The following EFCAB7 variants were observed in gnomAD, a reference collection of about 807,000 sequenced individuals.
EFCAB7 encodes the protein EF-hand calcium binding domain 7.
Under a neutral mutation model 77.1 loss-of-function variants are expected in EFCAB7, and 66 were observed. The observed-to-expected ratio is 0.86, with a 90% CI of 0.70 to 1.05. EFCAB7 has a LOEUF of 1.05. Among genes scored for constraint, EFCAB7 ranks in the 50% least tolerant of loss-of-function variants. The pLI is 0.00. For synonymous variants in EFCAB7, 225 were observed against 243.3 expected (o/e 0.92, Z 0.70); for missense variants, 638 against 730.5 (o/e 0.87, Z 1.46).
chr1:63,565,471 A>G (rs910827520), intron 11 of EFCAB7, among the ~76,000 whole-genome samples: 1 of 152,220 alleles, frequency 6.6e-6, no homozygotes, highest in Non-Finnish European at 1.5e-5. Flanking sequence ...AGATATAGGC[A>G]TGGGGAAAGA....
At chr1:63,543,498 T>C (rs1225127369) in intron 6 of EFCAB7, among the ~76,000 whole-genome samples, 5 of 152,342 alleles carry the variant, frequency 3.3e-5, no homozygotes, top group African/African-American at 1.2e-4. Flanking sequence ...AGGTCAGTAT[T>C]AGAAAGGATT....
intron 10 of EFCAB7, among the ~76,000 whole-genome samples, chr1:63,559,545 C>A (rs1479070754): frequency 6.6e-6 from 1 of 152,004 alleles, no homozygotes; most frequent in Non-Finnish European, 1.5e-5. Context: ...TCACTGCAAC[C>A]CCTGCCTCCA....
rs528774853 is a variant in EFCAB7 at position 63,556,930 on chromosome 1, C to T, written c.1215-184C>T. Among the ~76,000 whole-genome samples the T allele has an allele frequency of 1.5e-4, 22 of 148,646 alleles. No individual in the cohort carries two copies. In the South Asian group the frequency reaches 2.1e-3, roughly 14 times the overall value. ...GCGGGCGCCTATAGTCCCAGCTACT[C>T]GGGAGGCTGAGGCAGGAGAATGGCG... On this transcript the variant is annotated intron_variant, in intron 9 of 13. Transcript: ENST00000371088.
In EFCAB7 at chr1:63,546,037, T is replaced by C. The variant is rs765157252; in HGVS notation, c.926T>C (p.Leu309Ser). 4 of 1,610,258 alleles carry C rather than the reference T, an allele frequency of 2.5e-6. No individual in the cohort carries two copies. The African/African-American group carries it at 5.4e-5, about 22-fold the overall frequency. The change falls in exon 7 of 14, where the codon TTA (leucine) becomes TCA (serine). Residue 309 changes from leucine to serine, a missense_variant. Coordinates refer to ENST00000371088, the MANE Select transcript of EFCAB7 (RefSeq NM_032437.4). Reference sequence around the variant, plus strand: ...ATGGTTTATCTAACAATTAAGCCATTAAACCTGAGTCAAGTTGAAGGCAAG... The same window carrying C: ...ATGGTTTATCTAACAATTAAGCCATCAAACCTGAGTCAAGTTGAAGGCAAG... ...RSMVYLTIKP[L>S]NLSQVEGKPS...
intron 2 of EFCAB7, 146 bp downstream of exon 2, chr1:63,525,905 C>A: frequency 1.8e-6 from 1 of 571,418 alleles, no homozygotes; most frequent in Non-Finnish European, 3.0e-6. Flanking sequence ...GCTATTATGT[C>A]ATATCATATA....
chr1:63,568,231 T>C (rs1647191372), intron 11 of EFCAB7, 79 bp from the exon 12 acceptor site: 1 of 1,235,926 alleles, frequency 8.1e-7, no homozygotes, highest in Non-Finnish European at 1.1e-6. Context: ...GTATAGCATA[T>C]CTTCTTATAT....
chr1:63,525,353 T>A (rs1323078026), intron 1 of EFCAB7, among the ~76,000 whole-genome samples: 1 of 152,146 alleles, frequency 6.6e-6, no homozygotes, highest in Non-Finnish European at 1.5e-5. Context: ...TGCCAAAGGC[T>A]TATTCTTGTT....
At chr1:63,577,599 G>C (rs1300937027), downstream of EFCAB7, among the ~76,000 whole-genome samples, 4 of 152,150 alleles carry the variant, frequency 2.6e-5, no homozygotes, top group South Asian at 2.1e-4. Flanking sequence ...GTAAAAATAG[G>C]AGTAGACTAG....
At chr1:63,538,943 CTG>C (rs757063348) in intron 6 of EFCAB7, among the ~76,000 whole-genome samples, 1 of 152,118 alleles carries the variant, frequency 6.6e-6, no homozygotes, top group Non-Finnish European at 1.5e-5. Flanking sequence ...ACTTTAATAA[CTG>C]TTGTTCTACC....
the EFCAB7 span, among the ~76,000 whole-genome samples, chr1:63,579,749 G>A: frequency 6.6e-6 from 1 of 152,152 alleles, no homozygotes; most frequent in Non-Finnish European, 1.5e-5. Context: ...TATAATAGAT[G>A]TGCAGTGGTA....
At chr1:63,573,324 T>C (rs909744676), downstream of EFCAB7, among the ~76,000 whole-genome samples, 1 of 151,962 alleles carries the variant, frequency 6.6e-6, no homozygotes, top group Non-Finnish European at 1.5e-5. Flanking sequence ...AGAAGAAACA[T>C]TTGTCTTATA....
intron 2 of EFCAB7, among the ~76,000 whole-genome samples, chr1:63,530,653 T>C (rs933300078): frequency 2.6e-5 from 4 of 152,174 alleles, no homozygotes; most frequent in Non-Finnish European, 5.9e-5. Flanking sequence ...CCATAGCATC[T>C]CTATAATAAT....
intron 8 of EFCAB7, among the ~76,000 whole-genome samples, chr1:63,553,903 C>T (rs890111371): frequency 6.6e-6 from 1 of 152,132 alleles, no homozygotes; most frequent in Admixed American, 6.5e-5. Flanking sequence ...TGCAGTGATG[C>T]AATTCCCTGT....
At chr1:63,558,391 A>T (rs941289855) in intron 10 of EFCAB7, among the ~76,000 whole-genome samples, 5 of 152,192 alleles carry the variant, frequency 3.3e-5, no homozygotes, top group African/African-American at 9.7e-5. Context: ...TGATCTATGC[A>T]CTTCTACACA....
chr1:63,562,447 ATT>A (rs1429203820), intron 11 of EFCAB7, among the ~76,000 whole-genome samples: 1,197 of 10,930 alleles, frequency 0.11, 45 homozygotes, highest in African/African-American at 0.26. Context: ...TTCTTAATTT[ATT>A]TATATATATA....
the EFCAB7 span, among the ~76,000 whole-genome samples, chr1:63,584,841 G>A: frequency 2.6e-5 from 4 of 152,202 alleles, no homozygotes; most frequent in African/African-American, 9.7e-5. Flanking sequence ...TTTGGGGGGA[G>A]TCAAAAGTTA....
At chr1:63,552,325 A>G (rs1249932855) in intron 8 of EFCAB7, among the ~76,000 whole-genome samples, 1 of 152,132 alleles carries the variant, frequency 6.6e-6, no homozygotes, top group Non-Finnish European at 1.5e-5. Context: ...CCTTACTTTC[A>G]TCTTTTCTAA....
Position 63,557,218 on chromosome 1 carries a change from G to A in EFCAB7, c.1319G>A (p.Cys440Tyr), listed in dbSNP as rs1647042723. 6.2e-7 allele frequency: 1 copy of A among 1,609,822 alleles called. No individual in the cohort carries two copies. The highest frequency in any genetic ancestry group is 8.5e-7 in the Non-Finnish European group (1 of 1,179,064). The change falls in exon 10 of 14, where the codon TGT (cysteine) becomes TAT (tyrosine). Residue 440 changes from cysteine to tyrosine, a missense_variant. Cys to Tyr is a radical substitution (Grantham distance 194). Coordinates refer to ENST00000371088, the MANE Select transcript of EFCAB7 (RefSeq NM_032437.4). ...FFELRTSGEK[C>Y]DEDAWAVCRE... ...GAATTGAGAACAAGTGGTGAGAAAT[G>A]TGATGAAGATGCTTGGGCTGTCTGC...
At chr1:63,553,138 G>C (rs1167730004) in intron 8 of EFCAB7, among the ~76,000 whole-genome samples, 1 of 152,032 alleles carries the variant, frequency 6.6e-6, no homozygotes, top group Non-Finnish European at 1.5e-5. Flanking sequence ...TTTTCTTATA[G>C]ATGAGTTTTG....
Sources: allele counts gnomAD v4.1 joint callset (sites outside exome capture counted in the v4.1 genomes callset), GRCh38; gene constraint gnomAD v4.1.1; transcripts MANE v1.5; gene names NCBI Gene and HGNC (gene_info 2026-07-23, HGNC 2026-07-21).